DPP6: variants seen among roughly 807,000 people sequenced by gnomAD.
DPP6 encodes dipeptidyl peptidase like 6, also known as A-type potassium channel modulatory protein DPP6.
DPP6 carries 69 observed loss-of-function variants against 122.6 expected under a neutral mutation model. That is an observed-to-expected ratio of 0.56 (90% CI 0.46 to 0.69). The LOEUF (loss-of-function observed/expected upper bound fraction) is 0.69, where lower values mean the gene tolerates loss of function less well. Among genes scored for constraint, DPP6 ranks in the 30% least tolerant of loss-of-function variants. The pLI is 0.00. For missense variants in DPP6, 928 were observed against 1,116.9 expected (o/e 0.83, Z 2.41); for synonymous variants, 418 against 433.1 (o/e 0.97, Z 0.43).
upstream of DPP6, among the ~76,000 whole-genome samples, chr7:153,882,511 A>T (rs1478743335): frequency 4.6e-5 from 7 of 152,242 alleles, no homozygotes; most frequent in Non-Finnish European, 1.0e-4. Context: ...CTGTGCTGTA[A>T]CTATTTCCTG....
upstream of DPP6, among the ~76,000 whole-genome samples, chr7:153,883,104 G>GA (rs1315884912): frequency 6.6e-6 from 1 of 151,940 alleles, no homozygotes; most frequent in East Asian, 1.9e-4. Context: ...CCCCGTTTGC[G>GA]AAAATGTTGA....
At chr7:154,368,535 T>G (rs1247489950) in intron 1 of DPP6, among the ~76,000 whole-genome samples, 1 of 152,242 alleles carries the variant, frequency 6.6e-6, no homozygotes, top group Non-Finnish European at 1.5e-5. Context: ...ATCTCACTTT[T>G]GTTACTGTTT....
chr7:154,153,825 A>C lies in DPP6; in HGVS notation c.243+100762A>C, dbSNP rs182816553. 2.6e-3 allele frequency among the ~76,000 whole-genome samples: 393 copies of C among 152,312 alleles called. 1 individual carries two copies. The highest frequency in any genetic ancestry group is 9.0e-3 in the African/African-American group (374 of 41,562). ...AAAACTTTATTTACAAAACAACAGC[A>C]GGCCCCGGGGCCATAGTTTGCTGAC... On this transcript the variant is annotated intron_variant, in intron 1 of 25. Transcript: ENST00000377770.
At chr7:154,252,721 A>T (rs1208855737) in intron 1 of DPP6, among the ~76,000 whole-genome samples, 1 of 152,238 alleles carries the variant, frequency 6.6e-6, no homozygotes, top group Non-Finnish European at 1.5e-5. Flanking sequence ...TGTCCAAATG[A>T]GTTGGAAAAG....
intron 1 of DPP6, among the ~76,000 whole-genome samples, chr7:153,915,300 A>G (rs1782069672): frequency 6.6e-6 from 1 of 152,182 alleles, no homozygotes. Flanking sequence ...AGGATATCTA[A>G]GAACCTAGTG....
intron 1 of DPP6, among the ~76,000 whole-genome samples, chr7:154,143,199 G>A (rs879243366): frequency 4.3e-4 from 66 of 152,126 alleles, no homozygotes; most frequent in Non-Finnish European, 7.9e-4. Flanking sequence ...AGAGTCTGCC[G>A]TATTCAGAAT....
intron 7 of DPP6, among the ~76,000 whole-genome samples, chr7:154,703,960 G>A (rs11972576): frequency 0.99 from 151,207 of 152,310 alleles, 75,061 homozygotes; most frequent in East Asian, 1. Context: ...AGAAAAATAC[G>A]TTTCATAAAG....
At chr7:153,966,903 C>T (rs1795770653) in intron 1 of DPP6, among the ~76,000 whole-genome samples, 1 of 151,356 alleles carries the variant, frequency 6.6e-6, no homozygotes, top group Non-Finnish European at 1.5e-5. Context: ...CCCATCTCTA[C>T]CAAAAATAGA....
At chr7:154,235,887 C>G (rs1801182370) in intron 1 of DPP6, among the ~76,000 whole-genome samples, 2 of 152,140 alleles carry the variant, frequency 1.3e-5, no homozygotes, top group African/African-American at 4.8e-5. Context: ...AAGTCTCACC[C>G]TGTTGCCCAG....
chr7:154,023,572 C>T (rs1798822309), intron 1 of DPP6, among the ~76,000 whole-genome samples: 1 of 151,640 alleles, frequency 6.6e-6, no homozygotes, highest in Non-Finnish European at 1.5e-5. Flanking sequence ...ACCTCCGCCT[C>T]CTGGGTTCAA....
At chr7:153,937,008 G>A (rs969517768) in intron 1 of DPP6, among the ~76,000 whole-genome samples, 24 of 152,142 alleles carry the variant, frequency 1.6e-4, no homozygotes, top group Non-Finnish European at 2.4e-4. Flanking sequence ...CTTGATCAAC[G>A]GACTTACTTG....
At chr7:154,102,006 C>T (rs1169952648) in intron 1 of DPP6, among the ~76,000 whole-genome samples, 2 of 150,848 alleles carry the variant, frequency 1.3e-5, no homozygotes, top group Admixed American at 6.6e-5. Context: ...TTTCTTCCTT[C>T]GTCACTCATT....
chr7:154,248,324 T>C (rs1802123385), intron 1 of DPP6, among the ~76,000 whole-genome samples: 1 of 151,856 alleles, frequency 6.6e-6, no homozygotes, highest in Non-Finnish European at 1.5e-5. Flanking sequence ...CAGGGATGAG[T>C]CTTAGACGTG....
chr7:153,886,584 T>A (rs967158712), upstream of DPP6, among the ~76,000 whole-genome samples: 28 of 152,104 alleles, frequency 1.8e-4, no homozygotes, highest in Non-Finnish European at 3.7e-4. Flanking sequence ...GGAAGCCAGG[T>A]GTGCGGCGGG....
intron 1 of DPP6, among the ~76,000 whole-genome samples, chr7:154,390,168 G>C (rs1814489436): frequency 6.6e-6 from 1 of 152,198 alleles, no homozygotes; most frequent in Non-Finnish European, 1.5e-5. Context: ...AGATGCAAGT[G>C]GGGGAAGGTA....
chr7:154,427,134 G>A (rs968750077), intron 1 of DPP6, among the ~76,000 whole-genome samples: 1 of 152,146 alleles, frequency 6.6e-6, no homozygotes, highest in Non-Finnish European at 1.5e-5. Flanking sequence ...ATTTTCATTT[G>A]ATGTTTTTAG....
intron 16 of DPP6, among the ~76,000 whole-genome samples, chr7:154,817,873 A>T (rs1351604338): frequency 6.6e-6 from 1 of 150,786 alleles, no homozygotes; most frequent in African/African-American, 2.4e-5. Context: ...GGATGATGTC[A>T]TGAATGTCCT....
intron 1 of DPP6, among the ~76,000 whole-genome samples, chr7:154,416,364 C>T (rs1321865421): frequency 6.6e-6 from 1 of 152,150 alleles, no homozygotes; most frequent in Non-Finnish European, 1.5e-5. Context: ...TGTCATTCCC[C>T]AGACTTCATC....
intron 5 of DPP6, among the ~76,000 whole-genome samples, chr7:154,621,065 A>G (rs1586748943): frequency 6.6e-6 from 1 of 152,186 alleles, no homozygotes; most frequent in Non-Finnish European, 1.5e-5. Flanking sequence ...CCCTACCTCA[A>G]TACTACCCCT....
Sources: allele counts gnomAD v4.1 joint callset (sites outside exome capture counted in the v4.1 genomes callset), GRCh38; gene constraint gnomAD v4.1.1; transcripts MANE v1.5; gene names NCBI Gene and HGNC (gene_info 2026-07-23, HGNC 2026-07-21).